SNTG1: variants seen among roughly 807,000 people sequenced by gnomAD.
The protein encoded by SNTG1 is syntrophin gamma 1.
A neutral mutation model predicts 74.7 loss-of-function variants in SNTG1; 39 were observed. The ratio of observed to expected loss-of-function variants is 0.52; its 90% CI spans 0.40 to 0.68. SNTG1 has a LOEUF of 0.68. Among genes scored for constraint, SNTG1 ranks in the 30% least tolerant of loss-of-function variants. SNTG1 has a pLI of 0.00. For synonymous variants in SNTG1, 254 were observed against 217.1 expected, an observed-to-expected ratio of 1.17 and a Z score of -1.49; for missense variants, 685 against 609.5, an observed-to-expected ratio of 1.12 and a Z score of -1.30.
intron 11 of SNTG1, among the ~76,000 whole-genome samples, chr8:50,544,616 T>A (rs901715541): frequency 1.3e-5 from 2 of 152,128 alleles, no homozygotes; most frequent in East Asian, 3.8e-4. Context: ...AGATGACTCC[T>A]TACATTTTCA....
intron 15 of SNTG1, among the ~76,000 whole-genome samples, chr8:50,663,635 A>G (rs1563712877): frequency 6.6e-6 from 1 of 152,218 alleles, no homozygotes. Context: ...GCTGGAAAAA[A>G]GACAACCTGC....
At chr8:49,975,479 T>A (rs763844344) in intron 1 of SNTG1, among the ~76,000 whole-genome samples, 1 of 152,158 alleles carries the variant, frequency 6.6e-6, no homozygotes, top group Non-Finnish European at 1.5e-5. Flanking sequence ...TTCAAGATCA[T>A]TGGAGCTGTG....
At chr8:50,158,650 T>A (rs1421485969) in intron 1 of SNTG1, among the ~76,000 whole-genome samples, 1 of 152,168 alleles carries the variant, frequency 6.6e-6, no homozygotes, top group African/African-American at 2.4e-5. Flanking sequence ...GAGTTCATTG[T>A]TTTTTTCTGT....
chr8:50,594,850 A>C (rs2094716110), intron 13 of SNTG1, among the ~76,000 whole-genome samples: 1 of 152,178 alleles, frequency 6.6e-6, no homozygotes, highest in African/African-American at 2.4e-5. Context: ...CAAGAAAAAC[A>C]GCTGAGTCTT....
At chr8:50,710,275 C>T (rs534971536) in intron 17 of SNTG1, among the ~76,000 whole-genome samples, 1 of 152,184 alleles carries the variant, frequency 6.6e-6, no homozygotes, top group South Asian at 2.1e-4. Flanking sequence ...ATTTTAAATG[C>T]CAATGACTCT....
chr8:50,460,879 A>G (rs1276062439), intron 8 of SNTG1, among the ~76,000 whole-genome samples: 1 of 152,006 alleles, frequency 6.6e-6, no homozygotes, highest in African/African-American at 2.4e-5. Flanking sequence ...ATTCTAATAT[A>G]CCCCTCACAC....
intron 1 of SNTG1, among the ~76,000 whole-genome samples, chr8:50,020,244 A>G (rs1816699143): frequency 6.6e-6 from 1 of 152,086 alleles, no homozygotes; most frequent in African/African-American, 2.4e-5. Context: ...TTTTTCATTT[A>G]ATTAGAGAAG....
intron 8 of SNTG1, among the ~76,000 whole-genome samples, chr8:50,472,254 G>A (rs2131752112): frequency 6.6e-6 from 1 of 152,174 alleles, no homozygotes; most frequent in African/African-American, 2.4e-5. Flanking sequence ...TGAAAACCAG[G>A]AACAAAATCA....
chr8:50,746,877 T>TTA (rs1383436021), intron 17 of SNTG1, among the ~76,000 whole-genome samples: 11 of 147,716 alleles, frequency 7.4e-5, no homozygotes, highest in Admixed American at 4.1e-4. Flanking sequence ...ATAATATATA[T>TTA]TATATATATA....
intron 1 of SNTG1, among the ~76,000 whole-genome samples, chr8:50,005,265 A>T (rs1036747595): frequency 6.6e-6 from 1 of 152,126 alleles, no homozygotes; most frequent in South Asian, 2.1e-4. Flanking sequence ...AGAGTGTTAT[A>T]CAAATAAAAA....
At chr8:50,263,078 A>G (rs1409255663) in intron 2 of SNTG1, among the ~76,000 whole-genome samples, 2 of 152,162 alleles carry the variant, frequency 1.3e-5, no homozygotes, top group African/African-American at 4.8e-5. Flanking sequence ...TATGTACACA[A>G]GAGTGAAACC....
At chr8:50,065,757 G>A (rs1478296913) in intron 1 of SNTG1, among the ~76,000 whole-genome samples, 3 of 152,164 alleles carry the variant, frequency 2.0e-5, no homozygotes, top group Admixed American at 2.0e-4. Flanking sequence ...AACCAATATG[G>A]AGGGTATTTG....
intron 1 of SNTG1, among the ~76,000 whole-genome samples, chr8:50,165,473 G>T (rs1242797594): frequency 6.6e-6 from 1 of 152,152 alleles, no homozygotes; most frequent in East Asian, 1.9e-4. Flanking sequence ...TGTAGAGTTT[G>T]TTCATCCTTG....
intron 2 of SNTG1, among the ~76,000 whole-genome samples, chr8:50,316,155 A>C (rs2090311319): frequency 1.3e-5 from 2 of 152,188 alleles, no homozygotes; most frequent in Non-Finnish European, 2.9e-5. Context: ...AATTCAAAAC[A>C]TTTAAAAACA....
intron 1 of SNTG1, among the ~76,000 whole-genome samples, chr8:50,115,922 G>A (rs1471690015): frequency 6.6e-6 from 1 of 151,972 alleles, no homozygotes; most frequent in Non-Finnish European, 1.5e-5. Context: ...TAAATAAAAT[G>A]TCAGTCATAC....
chr8:50,356,757 G>C (rs2091827373), intron 2 of SNTG1, among the ~76,000 whole-genome samples: 1 of 152,188 alleles, frequency 6.6e-6, no homozygotes, highest in East Asian at 1.9e-4. Context: ...CATTATATGG[G>C]CCATTCAGTT....
intron 9 of SNTG1, among the ~76,000 whole-genome samples, chr8:50,516,985 C>G (rs2094138723): frequency 6.6e-6 from 1 of 152,094 alleles, no homozygotes; most frequent in African/African-American, 2.4e-5. Flanking sequence ...TCCCAAGACA[C>G]ATAGTCATCA....
intron 12 of SNTG1, among the ~76,000 whole-genome samples, chr8:50,575,087 C>A (rs1272003450): frequency 1.3e-5 from 2 of 152,256 alleles, no homozygotes; most frequent in South Asian, 2.1e-4. Flanking sequence ...ACTCTGTGCA[C>A]TAGGTACTGA....
At chr8:50,350,130 G>A (rs534433956) in intron 2 of SNTG1, among the ~76,000 whole-genome samples, 7 of 152,274 alleles carry the variant, frequency 4.6e-5, no homozygotes, top group East Asian at 3.9e-4. Context: ...TCGATTTCTC[G>A]CTGGTCCTTA....
Sources: allele counts gnomAD v4.1 joint callset (sites outside exome capture counted in the v4.1 genomes callset), GRCh38; gene constraint gnomAD v4.1.1; transcripts MANE v1.5; gene names NCBI Gene and HGNC (gene_info 2026-07-23, HGNC 2026-07-21).